Variants in NFYA observed in about 807,000 individuals in gnomAD.
NFYA encodes the protein CAAT-box DNA binding protein subunit A.
Under a neutral mutation model 52.8 loss-of-function variants are expected in NFYA, and 28 were observed. The ratio of observed to expected loss-of-function variants is 0.53; its 90% CI spans 0.39 to 0.73. The LOEUF (loss-of-function observed/expected upper bound fraction) is 0.73. Ranked by LOEUF, NFYA falls within the 30% of genes least tolerant of loss-of-function variation. The probability of loss-of-function intolerance (pLI) is 0.00; values close to 1 mark genes in which losing one functional copy is unlikely to be tolerated. For synonymous variants in NFYA, 150 were observed against 150.7 expected, an observed-to-expected ratio of 1.00 and a Z score of 0.03; for missense variants, 234 against 427.0, an observed-to-expected ratio of 0.55 and a Z score of 3.98.
chr6:41,076,832 A>G (rs576837775), intron 1 of NFYA, among the ~76,000 whole-genome samples: 3 of 152,360 alleles, frequency 2.0e-5, no homozygotes, highest in African/African-American at 4.8e-5. Context: ...TCACAGTAGT[A>G]GGAACATATG....
chr6:41,081,407 G>A (rs1013660383), intron 3 of NFYA, among the ~76,000 whole-genome samples: 46 of 151,900 alleles, frequency 3.0e-4, no homozygotes, highest in African/African-American at 9.2e-4. Context: ...GGAGAATGGC[G>A]TGAACCCAGG....
At chr6:41,094,258 C>T (rs577902593) in intron 8 of NFYA, 138 bp from the exon 9 acceptor site, 108 of 659,560 alleles carry the variant, frequency 1.6e-4, no homozygotes, top group Non-Finnish European at 2.6e-4. Context: ...AAGCTTCCAT[C>T]GTCATTCTAA....
At chr6:41,091,780 C>T in intron 7 of NFYA, 86 bp downstream of exon 7, 5 of 1,473,980 alleles carry the variant, frequency 3.4e-6, no homozygotes, top group Non-Finnish European at 4.6e-6. Flanking sequence ...ATGTTGACCT[C>T]TTGGGATTGA....
intron 1 of NFYA, among the ~76,000 whole-genome samples, chr6:41,074,090 A>G (rs4140578): frequency 0.39 from 59,776 of 152,040 alleles, 12,393 homozygotes; most frequent in African/African-American, 0.52. Flanking sequence ...CCTTGGGAAT[A>G]TAGTACAGTT....
At position 41,081,179 on chromosome 6, in the gene NFYA, T is replaced by C. The variant is rs947287068; in HGVS notation, c.162+282T>C. Among the ~76,000 whole-genome samples the C allele has an allele frequency of 3.9e-5, 6 of 152,184 alleles. No individual in the cohort carries two copies. In the South Asian group the frequency reaches 1.2e-3, roughly 31 times the overall value. ...TATAAGTGACAGGAAGAAATTCTTA[T>C]AAGTGACATTAGAATTTATTCAGGG... On this transcript the variant is annotated intron_variant, in intron 3 of 9. Coordinates refer to ENST00000341376, the MANE Select transcript of NFYA (RefSeq NM_002505.5).
chr6:41,088,556 G>A (rs1459869764), intron 4 of NFYA, among the ~76,000 whole-genome samples: 1 of 151,958 alleles, frequency 6.6e-6, no homozygotes, highest in Admixed American at 6.6e-5. Flanking sequence ...AGTCACATTT[G>A]ACTAGAGTAG....
intron 2 of NFYA, 50 bp downstream of exon 2, chr6:41,079,214 G>A (rs772405280): frequency 6.5e-7 from 1 of 1,542,764 alleles, no homozygotes; most frequent in South Asian, 1.1e-5. Flanking sequence ...ACTGATAACA[G>A]CACCACTCAA....
At chr6:41,074,406 A>G (rs548015335) in intron 1 of NFYA, among the ~76,000 whole-genome samples, 2 of 152,352 alleles carry the variant, frequency 1.3e-5, no homozygotes, top group African/African-American at 2.4e-5. Context: ...ACAGGTGAAC[A>G]GGTAGTTAAT....
chr6:41,089,118 G>A (rs1764128355), intron 4 of NFYA, among the ~76,000 whole-genome samples: 1 of 151,968 alleles, frequency 6.6e-6, no homozygotes, highest in African/African-American at 2.4e-5. Flanking sequence ...CAAGTAGCTG[G>A]GATTACAGGC....
At position 41,084,259 on chromosome 6, in the gene NFYA, A is replaced by G. The variant is rs1763983023; in HGVS notation, c.309+67A>G. 1.2e-5 allele frequency: 18 copies of G among 1,545,062 alleles called. No individual in the cohort carries two copies. The South Asian group carries it at 1.8e-4, about 16-fold the overall frequency. ...AGGTTTCAAAGAATAGATTATTACA[A>G]CCTATTTGATAATTGATATTGCATT... On this transcript the variant is annotated intron_variant, in intron 4 of 9. Transcript: ENST00000341376.
intron 1 of NFYA, among the ~76,000 whole-genome samples, chr6:41,074,112 T>G (rs1333480097): frequency 6.6e-6 from 1 of 152,236 alleles, no homozygotes; most frequent in Non-Finnish European, 1.5e-5. Context: ...TGGGGGTTTT[T>G]TTTCCCTTTG....
intron 4 of NFYA, among the ~76,000 whole-genome samples, chr6:41,089,204 G>C (rs556341506): frequency 7.2e-5 from 11 of 152,192 alleles, no homozygotes; most frequent in Admixed American, 7.2e-4. Flanking sequence ...GGCTGGTCTC[G>C]AACTCCTGAC....
intron 4 of NFYA, among the ~76,000 whole-genome samples, chr6:41,085,535 ATG>A (rs979263078): frequency 6.6e-6 from 1 of 152,214 alleles, no homozygotes; most frequent in Non-Finnish European, 1.5e-5. Flanking sequence ...AAAAGAGAGT[ATG>A]AGATAACTAT....
chr6:41,097,645 T>C lies in NFYA; in HGVS notation c.*235T>C, dbSNP rs1487237259. On this transcript the variant is annotated 3_prime_UTR_variant, in exon 10 of 10. Coordinates refer to ENST00000341376, the MANE Select transcript of NFYA (RefSeq NM_002505.5). ...GACCTATTTCAGACTGTTGATGACA[T>C]TGACATTTCATGGATTCGGATGATG... 8.5e-6 allele frequency: 4 copies of C among 470,950 alleles called. No individual in the cohort carries two copies. The highest frequency in any genetic ancestry group is 2.0e-5 in the African/African-American group (1 of 51,052). 29.2% of individuals were successfully genotyped at this position (470,950 alleles called of 1,614,324 possible). A position where few individuals can be genotyped will look rare whatever the true frequency, so the allele number is the denominator to read the frequency against.
At chr6:41,094,317 A>C in intron 8 of NFYA, 79 bp from the exon 9 acceptor site, 3 of 1,223,492 alleles carry the variant, frequency 2.5e-6, no homozygotes, top group Non-Finnish European at 3.6e-6. Context: ...TAAACTTTGG[A>C]GAATGGAATT....
intron 1 of NFYA, among the ~76,000 whole-genome samples, chr6:41,076,120 A>G (rs1003752615): frequency 4.6e-5 from 7 of 152,216 alleles, no homozygotes; most frequent in African/African-American, 1.4e-4. Context: ...AATAGAAAAT[A>G]TCTGCCAGGC....
At chr6:41,093,565 T>C (rs1167408454) in intron 8 of NFYA, among the ~76,000 whole-genome samples, 1 of 152,026 alleles carries the variant, frequency 6.6e-6, no homozygotes, top group Non-Finnish European at 1.5e-5. Flanking sequence ...GCACCTTCCA[T>C]GTTCAAGTGA....
Position 41,093,088 on chromosome 6 carries a change from A to G in NFYA, c.888+3A>G, listed in dbSNP as rs770063821. Reference sequence around the variant, plus strand: ...GGAAAATTCCAAAGGAGAGAAGGGTATGTATAACATTGGGAAGGATATAGG... The same window carrying G: ...GGAAAATTCCAAAGGAGAGAAGGGTGTGTATAACATTGGGAAGGATATAGG... On this transcript the variant is annotated splice_donor_region_variant and intron_variant, in intron 8 of 9. Transcript: ENST00000341376. The G allele has an allele frequency of 6.2e-7, 1 of 1,613,500 alleles. No individual in the cohort carries two copies. The highest frequency in any genetic ancestry group is 8.5e-7 in the Non-Finnish European group (1 of 1,179,564).
At chr6:41,088,295 C>T (rs751988839) in intron 4 of NFYA, among the ~76,000 whole-genome samples, 2 of 151,514 alleles carry the variant, frequency 1.3e-5, no homozygotes, top group Admixed American at 6.6e-5. Context: ...TGATGGCGGA[C>T]GCCTGTAGTC....
Sources: gnomAD v4.1 joint callset for allele counts (sites outside exome capture counted in the v4.1 genomes callset) on GRCh38, gnomAD v4.1.1 for gene constraint, MANE v1.5 for transcripts, NCBI Gene and HGNC (gene_info 2026-07-23, HGNC 2026-07-21) for gene names.